Variants in MXD4 observed in about 807,000 individuals in gnomAD.
The protein encoded by MXD4 is Mad4 homolog.
In MXD4, 16 loss-of-function variants were observed where a neutral mutation model predicts 24.5. That is an observed-to-expected ratio of 0.65 (90% confidence interval 0.44 to 0.99). The LOEUF (loss-of-function observed/expected upper bound fraction) is 0.99. Among genes scored for constraint, MXD4 ranks in the 50% least tolerant of loss-of-function variants. The pLI is 0.00. For synonymous variants in MXD4, 164 were observed against 134.2 expected (o/e 1.22, Z -1.54); for missense variants, 301 against 301.5 (o/e 1.00, Z 0.01).
At chr4:2,257,891 C>T (rs898806530) in intron 3 of MXD4, 91 bp downstream of exon 3, 76 of 1,546,890 alleles carry the variant, frequency 4.9e-5, no homozygotes, top group East Asian at 4.5e-5. Context: ...TGGCCGTGCC[C>T]GGGACAGGGG....
intron 3 of MXD4, among the ~76,000 whole-genome samples, chr4:2,256,392 C>T (rs769242026): frequency 9.2e-5 from 14 of 152,308 alleles, no homozygotes; most frequent in Non-Finnish European, 1.8e-4. Context: ...AGTAAGGGGA[C>T]AACTCCGGGC....
At chr4:2,260,173 T>C (rs777902702) in intron 2 of MXD4, among the ~76,000 whole-genome samples, 2 of 152,168 alleles carry the variant, frequency 1.3e-5, no homozygotes, top group Non-Finnish European at 2.9e-5. Flanking sequence ...CCAGGGGAGA[T>C]GCACCAGAGT....
intron 3 of MXD4, among the ~76,000 whole-genome samples, chr4:2,255,774 C>T (rs549903143): frequency 6.6e-6 from 1 of 152,272 alleles, no homozygotes; most frequent in South Asian, 2.1e-4. Context: ...ACAGCAGCCC[C>T]ACCTCTGACG....
chr4:2,252,393 G>GC lies in MXD4; in HGVS notation c.309+14dup. The GC allele has an allele frequency of 6.3e-7, 1 of 1,598,954 alleles. No homozygotes were observed. The highest frequency in any genetic ancestry group is 8.6e-7 in the Non-Finnish European group (1 of 1,168,214). Reference sequence around the variant, plus strand: ...GCAGCCAGACAGGGCAGGGTGGAGAGCAAGGCCCACTCACCTTGATGTGCA... The same window carrying GC: ...GCAGCCAGACAGGGCAGGGTGGAGAGCCAAGGCCCACTCACCTTGATGTGCA... On this transcript the variant is annotated intron_variant, in intron 4 of 5. Coordinates refer to ENST00000337190, the MANE Select transcript of MXD4 (RefSeq NM_006454.3).
intron 2 of MXD4, among the ~76,000 whole-genome samples, chr4:2,259,852 AC>A (rs1160426113): frequency 2.0e-5 from 3 of 151,658 alleles, no homozygotes; most frequent in Non-Finnish European, 4.4e-5. Flanking sequence ...CACAGAATGG[AC>A]CCCCCTGCAG....
intron 2 of MXD4, chr4:2,260,417 G>C: frequency 2.6e-6 from 1 of 383,502 alleles, no homozygotes; most frequent in Non-Finnish European, 5.3e-6. Flanking sequence ...TCAGCATAGA[G>C]GCAGTGTTCG....
chr4:2,252,444 C>G lies in MXD4; in HGVS notation c.273G>C (p.Thr91=). ...PLGPDSTRHT[T]LSLLKRAKVH... Reference sequence around the variant, plus strand: ...CCTTGGCCCGCTTCAGGAGGCTCAGCGTGGTGTGGCGGGTGCTGTCGGGGC... The same window carrying G: ...CCTTGGCCCGCTTCAGGAGGCTCAGGGTGGTGTGGCGGGTGCTGTCGGGGC... The change falls in exon 4 of 6, where the codon ACG becomes ACC. Residue 91 remains threonine, a synonymous_variant. Coordinates refer to ENST00000337190, the MANE Select transcript of MXD4 (RefSeq NM_006454.3). 1 of 1,613,354 alleles carries G rather than the reference C, an allele frequency of 6.2e-7. No individual in the cohort carries two copies. Among genetic ancestry groups the G allele is most frequent in the African/African-American group, 1.3e-5 (1 of 75,040 alleles).
intron 4 of MXD4, 151 bp from the exon 5 acceptor site, chr4:2,251,397 C>T: frequency 1.0e-6 from 1 of 995,042 alleles, no homozygotes; most frequent in Non-Finnish European, 1.4e-6. Context: ...TGCCCAGTCT[C>T]TGCCAGCCCC....
chr4:2,251,447 T>C (rs556632333), intron 4 of MXD4, among the ~76,000 whole-genome samples: 21 of 152,164 alleles, frequency 1.4e-4, no homozygotes, highest in Non-Finnish European at 2.9e-4. Flanking sequence ...AGCCAGGCGG[T>C]CACAGTCAGA....
intron 3 of MXD4, chr4:2,253,497 C>T (rs1735363785): frequency 1.3e-5 from 2 of 152,260 alleles, no homozygotes; most frequent in Non-Finnish European, 1.5e-5. Flanking sequence ...TGGGTAAATC[C>T]TTACGAGTGG....
rs1577826539 is a variant in MXD4, at chr4:2,261,872, C to G, written c.64+45G>C. 2.2e-6 allele frequency: 3 copies of G among 1,392,120 alleles called. No individual in the cohort carries two copies. In the African/African-American group the frequency reaches 4.6e-5, roughly 21 times the overall value. The allele number at this position is 1,392,120 out of a possible 1,614,324, so 86.2% of individuals were successfully genotyped here. ...GCGGCCCCCGCCCGGCACGGCCCCG[C>G]CGCCCGCCCACCGCCGCGGGCGCAC... On this transcript the variant is annotated intron_variant, in intron 1 of 5. Coordinates refer to ENST00000337190, the MANE Select transcript of MXD4 (RefSeq NM_006454.3).
rs1183382060 is a variant in MXD4, at chr4:2,249,605, T to C, written c.*939A>G. Reference sequence around the variant, plus strand: ...TTGCTTTTTGTTTAAAAAAGGGAGATGAGTAAGCCCCCGAGGACCCAGCGG... The same window carrying C: ...TTGCTTTTTGTTTAAAAAAGGGAGACGAGTAAGCCCCCGAGGACCCAGCGG... On this transcript the variant is annotated 3_prime_UTR_variant, in exon 6 of 6. Transcript: ENST00000337190. 1.3e-5 allele frequency: 2 copies of C among 151,994 alleles called. No homozygotes were observed. The highest frequency in any genetic ancestry group is 2.9e-5 in the Non-Finnish European group (2 of 68,008). 9.4% of individuals were successfully genotyped at this position (151,994 alleles called of 1,614,324 possible). A position where few individuals can be genotyped will look rare whatever the true frequency, so the allele number is the denominator to read the frequency against.
At position 2,261,716 on chromosome 4, in the gene MXD4, G is replaced by A. The variant is rs758821701; in HGVS notation, c.164+9C>T. On this transcript the variant is annotated intron_variant, in intron 2 of 5. Transcript: ENST00000337190. ...CGGGCCGGGCGGGGTCGGGAGCGGG[G>A]GGCGGTACCTGTTGTTCGGGGCCTT... is the stretch of plus-strand genomic sequence containing the variant. 9 of 1,364,852 alleles carry A rather than the reference G, an allele frequency of 6.6e-6. No individual in the cohort carries two copies. In the South Asian group the frequency reaches 1.0e-4, roughly 16 times the overall value. The allele number at this position is 1,364,852 out of a possible 1,614,324, so 84.5% of individuals were successfully genotyped here. A position where few individuals can be genotyped will look rare whatever the true frequency, so the allele number is the denominator to read the frequency against.
At chr4:2,250,791 G>C in intron 5 of MXD4, 90 bp from the exon 6 acceptor site, 2 of 1,486,738 alleles carry the variant, frequency 1.3e-6, no homozygotes, top group Non-Finnish European at 1.8e-6. Context: ...TCTAGGCAGA[G>C]GGGCAGAAGT....
chr4:2,251,293 C>G (rs572060389), intron 4 of MXD4, 47 bp from the exon 5 acceptor site: 1 of 1,510,488 alleles, frequency 6.6e-7, no homozygotes, highest in Admixed American at 2.0e-5. Flanking sequence ...GAGGAGTCCC[C>G]CCATCCCCCT....
chr4:2,260,893 G>A (rs753735410), intron 2 of MXD4, among the ~76,000 whole-genome samples: 1 of 152,194 alleles, frequency 6.6e-6, no homozygotes, highest in Non-Finnish European at 1.5e-5. Context: ...ACAGCAGCCA[G>A]GAGGGTGGAA....
intron 5 of MXD4, 29 bp from the exon 6 acceptor site, chr4:2,250,730 A>AGGC: frequency 6.2e-7 from 1 of 1,602,978 alleles, no homozygotes; most frequent in Non-Finnish European, 8.5e-7. Flanking sequence ...GGATGGGGTC[A>AGGC]GGCCACTCTG....
chr4:2,256,645 G>C (rs926417138), intron 3 of MXD4, among the ~76,000 whole-genome samples: 2 of 152,118 alleles, frequency 1.3e-5, no homozygotes, highest in African/African-American at 4.8e-5. Flanking sequence ...AGACACCCTG[G>C]CTGCCCACAC....
At position 2,261,748 on chromosome 4, in the gene MXD4, C is replaced by T. The variant is rs543121074; in HGVS notation, c.141G>A (p.Leu47=). The part of the protein sequence containing the change: ...FAREKTKAAG[L]VRKAPNNRSS... ...ACCTGTTGTTCGGGGCCTTGCGCACCAGGCCGGCCGCCTTTGTTTTCTCCC... is the reference window on the plus strand; with the variant it reads ...ACCTGTTGTTCGGGGCCTTGCGCACTAGGCCGGCCGCCTTTGTTTTCTCCC... The change falls in exon 2 of 6, where the codon CTG becomes CTA. Residue 47 remains leucine (L), a synonymous_variant. Transcript: ENST00000337190. The T allele has an allele frequency of 4.2e-6, 6 of 1,422,414 alleles. No individual in the cohort carries two copies. In the East Asian group the frequency reaches 1.6e-4, roughly 37 times the overall value. 88.1% of individuals were successfully genotyped at this position (1,422,414 alleles called of 1,614,324 possible). A position where few individuals can be genotyped will look rare whatever the true frequency, so the allele number is the denominator to read the frequency against.
Sources: gnomAD v4.1 joint callset for allele counts (sites outside exome capture counted in the v4.1 genomes callset) on GRCh38, gnomAD v4.1.1 for gene constraint, MANE v1.5 for transcripts, NCBI Gene and HGNC (gene_info 2026-07-23, HGNC 2026-07-21) for gene names.